RBFOX1: variants seen among roughly 807,000 people sequenced by gnomAD.
The protein encoded by RBFOX1 is RNA binding fox-1 homolog 1.
Under a neutral mutation model 57.7 loss-of-function variants are expected in RBFOX1, and 8 were observed. The ratio of observed to expected loss-of-function variants is 0.14; its 90% CI spans 0.08 to 0.25. The LOEUF is 0.25. Among genes scored for constraint, RBFOX1 ranks in the 10% least tolerant of loss-of-function variants. RBFOX1 has a pLI of 1.00. For missense variants in RBFOX1, 611 were observed against 548.5 expected (o/e 1.11, Z -1.14); for synonymous variants, 326 against 222.4 (o/e 1.47, Z -4.15).
intron 4 of RBFOX1, among the ~76,000 whole-genome samples, chr16:7,389,052 C>T (rs1314416350): frequency 1.3e-5 from 2 of 152,040 alleles, no homozygotes; most frequent in Non-Finnish European, 2.9e-5. Flanking sequence ...GGGGGTATGG[C>T]CATATGTAAT....
chr16:5,668,304 A>T (rs12929228), intron 3 of RBFOX1, among the ~76,000 whole-genome samples: 99,946 of 151,098 alleles, frequency 0.66, 33,458 homozygotes, highest in Non-Finnish European at 0.73. Context: ...ACACCAATTT[A>T]AAAAAAAAGA....
At chr16:6,866,614 T>TGA (rs1567627860) in intron 3 of RBFOX1, among the ~76,000 whole-genome samples, 3 of 135,606 alleles carry the variant, frequency 2.2e-5, no homozygotes, top group Non-Finnish European at 3.1e-5. Context: ...CGATCTCGGC[T>TGA]CACTGCAAGC....
chr16:5,763,736 A>G (rs2053670106), intron 3 of RBFOX1, among the ~76,000 whole-genome samples: 1 of 152,328 alleles, frequency 6.6e-6, no homozygotes, highest in South Asian at 2.1e-4. Flanking sequence ...CGACTGTGGT[A>G]ACTCGGTTGC....
At chr16:6,507,108 G>C (rs2096120489) in intron 2 of RBFOX1, among the ~76,000 whole-genome samples, 2 of 152,088 alleles carry the variant, frequency 1.3e-5, no homozygotes, top group Admixed American at 6.6e-5. Context: ...CTCCGCTTCT[G>C]ATGTTTTCAC....
intron 1 of RBFOX1, among the ~76,000 whole-genome samples, chr16:6,315,665 A>G (rs1049545955): frequency 6.6e-5 from 10 of 152,202 alleles, no homozygotes; most frequent in Non-Finnish European, 1.0e-4. Flanking sequence ...CATTTTTATT[A>G]GTTGAAAGAA....
intron 3 of RBFOX1, among the ~76,000 whole-genome samples, chr16:6,708,355 C>A (rs1298307793): frequency 6.6e-6 from 1 of 152,094 alleles, no homozygotes; most frequent in Admixed American, 6.6e-5. Flanking sequence ...TTGAGACCAT[C>A]TTCTGTTTTC....
At chr16:6,043,082 T>C (rs1365777262) in intron 1 of RBFOX1, among the ~76,000 whole-genome samples, 1 of 127,352 alleles carries the variant, frequency 7.9e-6, no homozygotes, top group African/African-American at 3.0e-5. Context: ...CACATCATTA[T>C]ACTGCAGCCT....
At chr16:6,068,248 G>A (rs753033680) in intron 1 of RBFOX1, among the ~76,000 whole-genome samples, 34 of 152,282 alleles carry the variant, frequency 2.2e-4, no homozygotes, top group South Asian at 6.2e-4. Context: ...TGGGAAATGC[G>A]TCTTCAGCAG....
intron 3 of RBFOX1, among the ~76,000 whole-genome samples, chr16:6,765,231 C>T (rs2077169453): frequency 1.3e-5 from 2 of 152,056 alleles, no homozygotes. Flanking sequence ...CAGAATGAGG[C>T]CAGAACACAC....
chr16:6,389,993 C>A (rs886202177), intron 2 of RBFOX1, among the ~76,000 whole-genome samples: 3 of 152,044 alleles, frequency 2.0e-5, no homozygotes, highest in Non-Finnish European at 4.4e-5. Flanking sequence ...TTAGGAAGGC[C>A]GGGGAAACTG....
intron 3 of RBFOX1, among the ~76,000 whole-genome samples, chr16:6,944,066 GA>G (rs1161051831): frequency 6.6e-6 from 1 of 152,082 alleles, no homozygotes; most frequent in Non-Finnish European, 1.5e-5. Context: ...TGCAAAGCCT[GA>G]AACCTGTGGC....
At chr16:5,918,502 C>A (rs1567146370) in intron 4 of RBFOX1, among the ~76,000 whole-genome samples, 1 of 152,188 alleles carries the variant, frequency 6.6e-6, no homozygotes, top group African/African-American at 2.4e-5. Flanking sequence ...CGTAAGTCAC[C>A]AGCACCTGAC....
At chr16:5,500,272 G>T (rs186202233) in intron 2 of RBFOX1, among the ~76,000 whole-genome samples, 1 of 146,710 alleles carries the variant, frequency 6.8e-6, no homozygotes, top group East Asian at 2.1e-4. Context: ...GCCCAGGCCG[G>T]AATGCAGTGG....
At chr16:5,468,269 A>G (rs139840138) in intron 2 of RBFOX1, among the ~76,000 whole-genome samples, 111 of 152,326 alleles carry the variant, frequency 7.3e-4, no homozygotes, top group African/African-American at 2.5e-3. Flanking sequence ...GTGTTGGGCA[A>G]TCACTACCTC....
intron 4 of RBFOX1, among the ~76,000 whole-genome samples, chr16:7,055,633 G>C (rs2051917150): frequency 6.6e-6 from 1 of 152,130 alleles, no homozygotes; most frequent in South Asian, 2.1e-4. Flanking sequence ...GATGTCATTG[G>C]CCAATCTCTA....
At chr16:5,701,880 C>G (rs74497177) in intron 3 of RBFOX1, among the ~76,000 whole-genome samples, 5 of 152,180 alleles carry the variant, frequency 3.3e-5, no homozygotes, top group Non-Finnish European at 7.3e-5. Flanking sequence ...GTCTTAACTT[C>G]GTAATTTATT....
At chr16:7,607,734 C>G (rs1397057535) in intron 10 of RBFOX1, among the ~76,000 whole-genome samples, 1 of 152,150 alleles carries the variant, frequency 6.6e-6, no homozygotes, top group Non-Finnish European at 1.5e-5. Flanking sequence ...CCTGGCAAAG[C>G]AGAGAGTCGA....
chr16:5,706,731 T>G (rs4477707), intron 3 of RBFOX1, among the ~76,000 whole-genome samples: 1 of 151,896 alleles, frequency 6.6e-6, no homozygotes, highest in East Asian at 2.0e-4. Context: ...TTTTTTTTCC[T>G]ACGATGGTTG....
At chr16:7,558,286 C>T (rs972727092) in intron 5 of RBFOX1, among the ~76,000 whole-genome samples, 1 of 151,890 alleles carries the variant, frequency 6.6e-6, no homozygotes, top group Non-Finnish European at 1.5e-5. Flanking sequence ...CCTGGGAGGT[C>T]GCGGCTGCAG....
Sources: allele counts gnomAD v4.1 joint callset (sites outside exome capture counted in the v4.1 genomes callset), GRCh38; gene constraint gnomAD v4.1.1; transcripts MANE v1.5; gene names NCBI Gene and HGNC (gene_info 2026-07-23, HGNC 2026-07-21).